COL5A2: variants seen among roughly 807,000 people sequenced by gnomAD.
COL5A2 encodes collagen type V alpha 2 chain.
In COL5A2, 23 loss-of-function variants were observed where a neutral mutation model predicts 208.2. That is an observed-to-expected ratio of 0.11 (90% CI 0.08 to 0.16). The LOEUF (loss-of-function observed/expected upper bound fraction) is 0.16. Among genes scored for constraint, COL5A2 ranks in the 10% least tolerant of loss-of-function variants. The probability of loss-of-function intolerance (pLI) is 1.00; values close to 1 mark genes in which losing one functional copy is unlikely to be tolerated. For synonymous variants in COL5A2, 625 were observed against 628.5 expected (o/e 0.99, Z 0.08); for missense variants, 1,590 against 1,956.4 (o/e 0.81, Z 3.53).
chr2:189,383,819 C>T, the COL5A2 span, among the ~76,000 whole-genome samples: 3 of 151,984 alleles, frequency 2.0e-5, no homozygotes, highest in Admixed American at 6.6e-5. Context: ...TGGTAACTAT[C>T]GTTGCCCTAT....
intron 1 of COL5A2, among the ~76,000 whole-genome samples, chr2:189,174,636 C>A (rs911666063): frequency 6.6e-6 from 1 of 152,140 alleles, no homozygotes; most frequent in African/African-American, 2.4e-5. Flanking sequence ...CAGACCCCAT[C>A]CAAACTTCCT....
intron 1 of COL5A2, among the ~76,000 whole-genome samples, chr2:189,153,937 T>C (rs1458700674): frequency 2.0e-5 from 3 of 152,190 alleles, no homozygotes; most frequent in Non-Finnish European, 4.4e-5. Context: ...CCTAAGATTC[T>C]GCATTGCCTT....
chr2:189,061,677 C>A (rs961854608), intron 29 of COL5A2, 62 bp from the exon 30 acceptor site: 2 of 1,163,444 alleles, frequency 1.7e-6, no homozygotes. Flanking sequence ...TTCCTCTCTA[C>A]GTGAACCACT....
At chr2:189,438,883 T>A in the COL5A2 span, among the ~76,000 whole-genome samples, 1 of 152,202 alleles carries the variant, frequency 6.6e-6, no homozygotes, top group African/African-American at 2.4e-5. Context: ...CCAAAGCTGT[T>A]ACAATGATCT....
chr2:189,141,572 C>T (rs2105772555), intron 1 of COL5A2, among the ~76,000 whole-genome samples: 1 of 152,078 alleles, frequency 6.6e-6, no homozygotes, highest in South Asian at 2.1e-4. Context: ...TTCCTCTTAC[C>T]AAAAAATGTA....
the COL5A2 span, among the ~76,000 whole-genome samples, chr2:189,241,528 C>A: frequency 1.6e-4 from 25 of 152,140 alleles, no homozygotes; most frequent in African/African-American, 5.8e-4. Context: ...CCCATCTCTA[C>A]AAAATAAATA....
chr2:189,065,887 C>T (rs1686138456), intron 23 of COL5A2, among the ~76,000 whole-genome samples: 1 of 152,138 alleles, frequency 6.6e-6, no homozygotes, highest in Non-Finnish European at 1.5e-5. Flanking sequence ...GGCTTATCAT[C>T]ATCTTCAGGT....
intron 38 of COL5A2, 76 bp from the exon 39 acceptor site, chr2:189,053,094 G>C: frequency 1.8e-6 from 2 of 1,131,006 alleles, no homozygotes; most frequent in East Asian, 5.1e-5. Flanking sequence ...TATTACTAAT[G>C]TATCAATTAA....
At chr2:189,091,298 A>T (rs1298921772) in intron 7 of COL5A2, among the ~76,000 whole-genome samples, 1 of 152,226 alleles carries the variant, frequency 6.6e-6, no homozygotes, top group Non-Finnish European at 1.5e-5. Flanking sequence ...GCTTCTTATG[A>T]ATGAGCAAAG....
chr2:189,364,335 G>A, the COL5A2 span, among the ~76,000 whole-genome samples: 2 of 152,144 alleles, frequency 1.3e-5, no homozygotes, highest in Non-Finnish European at 2.9e-5. Context: ...ATTACCTTCT[G>A]ACTCTCCCTA....
intron 45 of COL5A2, 109 bp from the exon 46 acceptor site, chr2:189,046,016 A>G: frequency 1.3e-6 from 1 of 771,846 alleles, no homozygotes; most frequent in Non-Finnish European, 2.1e-6. Context: ...AATACCCTTT[A>G]AAACTTATTT....
chr2:189,112,864 T>A (rs908847717), intron 1 of COL5A2, among the ~76,000 whole-genome samples: 2 of 152,212 alleles, frequency 1.3e-5, no homozygotes, highest in African/African-American at 2.4e-5. Flanking sequence ...CACAGTGTAA[T>A]TCCATGAATA....
the COL5A2 span, among the ~76,000 whole-genome samples, chr2:189,338,919 C>T: frequency 6.6e-6 from 1 of 152,024 alleles, no homozygotes; most frequent in Non-Finnish European, 1.5e-5. Flanking sequence ...TTCCCTCAAA[C>T]TTGCTATCTT....
chr2:189,085,253 AC>A, intron 10 of COL5A2, 40 bp from the exon 11 acceptor site: 1 of 1,507,138 alleles, frequency 6.6e-7, no homozygotes, highest in Non-Finnish European at 9.2e-7. Context: ...AAGAATATTT[AC>A]CTTTACTTGC....
the COL5A2 span, among the ~76,000 whole-genome samples, chr2:189,247,055 T>G: frequency 3.3e-5 from 5 of 152,002 alleles, no homozygotes; most frequent in African/African-American, 1.2e-4. Context: ...AAAAGCAAGA[T>G]TGAGATGGAG....
At chr2:189,237,467 A>T in the COL5A2 span, among the ~76,000 whole-genome samples, 1 of 151,730 alleles carries the variant, frequency 6.6e-6, no homozygotes, top group African/African-American at 2.4e-5. Flanking sequence ...GTAAAAAAAG[A>T]TTTTCTTAAA....
chr2:189,057,084 G>A, intron 34 of COL5A2, 58 bp from the exon 35 acceptor site: 1 of 1,564,626 alleles, frequency 6.4e-7, no homozygotes, highest in Non-Finnish European at 8.8e-7. Flanking sequence ...CCACACTTGT[G>A]TGTAAGTTTC....
At chr2:189,218,779 CA>C (rs1362789951) in intron 1 of COL5A2, among the ~76,000 whole-genome samples, 1 of 151,896 alleles carries the variant, frequency 6.6e-6, no homozygotes, top group Non-Finnish European at 1.5e-5. Flanking sequence ...GACGCCTAGT[CA>C]AAATGGAAGT....
At chr2:189,117,546 G>C (rs762124886) in intron 1 of COL5A2, among the ~76,000 whole-genome samples, 2 of 151,964 alleles carry the variant, frequency 1.3e-5, no homozygotes, top group Non-Finnish European at 2.9e-5. Flanking sequence ...ACAAAAATCT[G>C]CTTAACTGTT....
Sources: gnomAD v4.1 joint callset for allele counts (sites outside exome capture counted in the v4.1 genomes callset) on GRCh38, gnomAD v4.1.1 for gene constraint, MANE v1.5 for transcripts, NCBI Gene and HGNC (gene_info 2026-07-23, HGNC 2026-07-21) for gene names.